The following TTLL4 variants were observed in gnomAD, a reference collection of about 807,000 sequenced individuals.
TTLL4 encodes the protein tubulin tyrosine ligase like 4.
Under a neutral mutation model 122.7 loss-of-function variants are expected in TTLL4, and 85 were observed. The observed-to-expected ratio is 0.69, with a 90% CI of 0.58 to 0.83. TTLL4 has a LOEUF of 0.83. Among genes scored for constraint, TTLL4 ranks in the 40% least tolerant of loss-of-function variants. The probability of loss-of-function intolerance (pLI) is 0.00; values close to 1 mark genes in which losing one functional copy is unlikely to be tolerated. For missense variants in TTLL4, 1,363 were observed against 1,488.6 expected (o/e 0.92, Z 1.39); for synonymous variants, 553 against 563.0 (o/e 0.98, Z 0.25).
rs1212919415 is a variant in TTLL4, at chr2:218,754,506, A to G, written c.*117A>G. On this transcript the variant is annotated 3_prime_UTR_variant, in exon 20 of 20. Coordinates refer to ENST00000392102, the MANE Select transcript of TTLL4 (RefSeq NM_014640.5). Reference sequence around the variant, plus strand: ...CCCCTTTCACCCTGTCCCTCCTCAGAGTATTTTTTGAAGTGGTTGCATTAT... The same window carrying G: ...CCCCTTTCACCCTGTCCCTCCTCAGGGTATTTTTTGAAGTGGTTGCATTAT... 8.6e-6 allele frequency: 12 copies of G among 1,391,754 alleles called. No individual in the cohort carries two copies. The East Asian group carries it at 2.8e-4, about 32-fold the overall frequency. 86.2% of individuals were successfully genotyped at this position (1,391,754 alleles called of 1,614,324 possible).
chr2:218,723,159 T>C (rs1942093870), intron 1 of TTLL4, among the ~76,000 whole-genome samples: 1 of 152,242 alleles, frequency 6.6e-6, no homozygotes, highest in Admixed American at 6.5e-5. Context: ...GATTAACAGA[T>C]AACATGTTCT....
chr2:218,737,356 T>C (rs149201705), intron 2 of TTLL4, among the ~76,000 whole-genome samples: 2 of 152,120 alleles, frequency 1.3e-5, no homozygotes, highest in Non-Finnish European at 2.9e-5. Context: ...ACCTCAGTGT[T>C]TTAGTCCGTA....
chr2:218,739,911 A>G, intron 3 of TTLL4, 147 bp from the exon 4 acceptor site: 1 of 687,278 alleles, frequency 1.5e-6, no homozygotes, highest in Non-Finnish European at 2.5e-6. Flanking sequence ...TTTGAAGACA[A>G]AAGAAATGAG....
At chr2:218,718,040 C>A (rs1941917970) in intron 1 of TTLL4, among the ~76,000 whole-genome samples, 1 of 152,198 alleles carries the variant, frequency 6.6e-6, no homozygotes, top group Non-Finnish European at 1.5e-5. Context: ...CCACCTGCCT[C>A]AGCCTCCCAA....
intron 3 of TTLL4, 125 bp from the exon 4 acceptor site, chr2:218,739,933 A>G (rs961114249): frequency 3.6e-6 from 3 of 822,840 alleles, no homozygotes; most frequent in Non-Finnish European, 5.9e-6. Context: ...TGTGAGGTCC[A>G]GGCAAGAAGT....
chr2:218,729,759 A>C (rs60068199), intron 2 of TTLL4, among the ~76,000 whole-genome samples: 1,542 of 132,008 alleles, frequency 0.012, 24 homozygotes, highest in Admixed American at 0.017. Context: ...AAAAAAAAAA[A>C]AAACAAAAAA....
At chr2:218,733,372 C>T (rs6436072) in intron 2 of TTLL4, among the ~76,000 whole-genome samples, 74,694 of 151,692 alleles carry the variant, frequency 0.49, 19,040 homozygotes, top group African/African-American at 0.59. Flanking sequence ...GAAGCAGGCA[C>T]GTCTTCACAT....
At chr2:218,730,309 TCCAAAAAAAAAAAAAAAAAAAAAA>T (rs1321702111) in intron 2 of TTLL4, among the ~76,000 whole-genome samples, 4 of 76,514 alleles carry the variant, frequency 5.2e-5, no homozygotes, top group Admixed American at 1.8e-4. Context: ...TTACTAAAAA[TCCAAAAAAAAAAAAAAAAAAAAAA>T]AAAAAAAAAA....
At chr2:218,753,874 C>T (rs937971766) in intron 19 of TTLL4, among the ~76,000 whole-genome samples, 1 of 152,192 alleles carries the variant, frequency 6.6e-6, no homozygotes, top group African/African-American at 2.4e-5. Flanking sequence ...GAAGTGCTTC[C>T]TGAAGCAGCC....
chr2:218,749,452 C>T, intron 14 of TTLL4, 65 bp downstream of exon 14: 1 of 1,563,812 alleles, frequency 6.4e-7, no homozygotes, highest in Non-Finnish European at 8.7e-7. Context: ...CCCATTGCCA[C>T]TCCAGTAAGT....
chr2:218,711,357 G>A (rs1941698532), intron 1 of TTLL4, among the ~76,000 whole-genome samples: 1 of 152,192 alleles, frequency 6.6e-6, no homozygotes, highest in Non-Finnish European at 1.5e-5. Context: ...GTCCTGCCGC[G>A]CTGAGGTTTA....
At position 218,745,761 on chromosome 2, in the gene TTLL4, C is replaced by T. The variant is rs746337046; in HGVS notation, c.1857C>T (p.Val619=). 2 of 1,613,632 alleles carry T rather than the reference C, an allele frequency of 1.2e-6. No homozygotes were observed. The highest frequency in any genetic ancestry group is 1.1e-5 in the South Asian group (1 of 90,982). ...WKMSTVTPNI[V]KQTIGRSHFK... The stretch of plus-strand genomic sequence containing the variant: ...TGAGCACAGTGACCCCCAACATTGT[C>T]AAGCAGACCATTGGACGGTCCCACT... The change falls in exon 7 of 20, where the codon GTC becomes GTT. Residue 619 remains valine (V), a synonymous_variant. Transcript: ENST00000392102.
At position 218,754,220 on chromosome 2, in the gene TTLL4, C is replaced by T. The variant is rs779473683; in HGVS notation, c.3431C>T (p.Pro1144Leu). 3 of 1,614,108 alleles carry T rather than the reference C, an allele frequency of 1.9e-6. No individual in the cohort carries two copies. Among genetic ancestry groups the T allele is most frequent in the South Asian group, 1.1e-5 (1 of 91,092 alleles). The change falls in exon 20 of 20, where the codon CCT (proline) becomes CTT (leucine). Residue 1144 changes from proline (P) to leucine (L), a missense_variant. Coordinates refer to ENST00000392102, the MANE Select transcript of TTLL4 (RefSeq NM_014640.5). ...AAGAAGACTCAAGCTGGCCTTTCCC[C>T]TTATCCCCAGAAACCCAGTTCCTCA... Reference protein sequence around the residue: ...KSKKTQAGLSPYPQKPSSSKD... With the variant: ...KSKKTQAGLSLYPQKPSSSKD...
chr2:218,747,550 A>G lies in TTLL4; in HGVS notation c.2250-47A>G, dbSNP rs765377999. ...TTTCCTGTGGCTTGGTTACCCACTG[A>G]GCCCCATCATCTGGCTGTATGAGAA... On this transcript the variant is annotated intron_variant, in intron 10 of 19. Transcript: ENST00000392102. This position sits in a 1 kb window ranked among gnomAD's most constrained non-coding sequence, Gnocchi z 4.7. 3.1e-6 allele frequency: 5 copies of G among 1,606,726 alleles called. No homozygotes were observed. The African/African-American group carries it at 6.7e-5, about 21-fold the overall frequency.
Position 218,747,642 on chromosome 2 carries a change from G to T in TTLL4, c.2295G>T (p.Leu765=). Residue 765 remains leucine (L), a synonymous_variant, in exon 11 of 20, where the codon CTG becomes CTT. Coordinates refer to ENST00000392102, the MANE Select transcript of TTLL4 (RefSeq NM_014640.5). This position sits in a 1 kb window ranked among gnomAD's most constrained non-coding sequence, Gnocchi z 4.7. ...TCATCAGCGGCAGCAAGTTTGACCT[G>T]CGGATCTATGTTTATGTCACTTCCT... is the stretch of plus-strand genomic sequence containing the variant. ...PYLISGSKFD[L]RIYVYVTSYD... is the part of the protein sequence containing the mutation. 1 of 1,614,220 alleles carries T rather than the reference G, an allele frequency of 6.2e-7. No individual in the cohort carries two copies. The highest frequency in any genetic ancestry group is 8.5e-7 in the Non-Finnish European group (1 of 1,180,042).
intron 2 of TTLL4, among the ~76,000 whole-genome samples, chr2:218,733,425 T>C (rs1942433081): frequency 6.6e-6 from 1 of 152,112 alleles, no homozygotes; most frequent in Non-Finnish European, 1.5e-5. Context: ...TGCTACACAC[T>C]TTTAAACAAC....
intron 15 of TTLL4, 49 bp from the exon 16 acceptor site, chr2:218,751,655 A>G: frequency 6.3e-7 from 1 of 1,591,948 alleles, no homozygotes; most frequent in Non-Finnish European, 8.5e-7. Context: ...TCCTCCAAAT[A>G]AGAAGCTGCT....
Position 218,737,906 on chromosome 2 carries a change from A to T in TTLL4, c.230A>T (p.Gln77Leu). The T allele has an allele frequency of 6.2e-7, 1 of 1,614,202 alleles. No homozygotes were observed. The highest frequency in any genetic ancestry group is 8.5e-7 in the Non-Finnish European group (1 of 1,180,028). The stretch of plus-strand genomic sequence containing the variant: ...CCAGGCCTCTTGGGCGTCCCACCCC[A>T]GCCAGCATATTTCTTTTGCCCCAGC... Reference protein sequence around the residue: ...LGPGLLGVPPQPAYFFCPSTL... With the variant: ...LGPGLLGVPPLPAYFFCPSTL... Residue 77 changes from glutamine (Q) to leucine (L), a missense_variant, in exon 3 of 20, where the codon CAG becomes CTG. Physicochemically the swap from Gln to Leu is moderately radical, Grantham distance 113. Around this residue, in one of 3 missense-constraint regions of TTLL4, gnomAD observed 760 missense variants for 808.4 expected, o/e 0.94. Coordinates refer to ENST00000392102, the MANE Select transcript of TTLL4 (RefSeq NM_014640.5).
chr2:218,738,483 G>A lies in TTLL4; in HGVS notation c.807G>A (p.Lys269=), dbSNP rs964847316. 3 of 1,614,090 alleles carry A rather than the reference G, an allele frequency of 1.9e-6. No homozygotes were observed. The highest frequency in any genetic ancestry group is 2.7e-5 in the African/African-American group (2 of 74,914). The change falls in exon 3 of 20, where the codon AAG becomes AAA. Residue 269 remains lysine, a synonymous_variant. Transcript: ENST00000392102. ...GDCAPQPVDH[K]VPKSIGTVPA... ...GTGCACCGCAGCCTGTTGACCATAA[G>A]GTGCCCAAAAGCATTGGCACTGTCC...
Sources: allele counts gnomAD v4.1 joint callset (sites outside exome capture counted in the v4.1 genomes callset), GRCh38; gene constraint gnomAD v4.1.1; regional missense constraint gnomAD v4.1.1; non-coding constraint Gnocchi (gnomAD v3.1); transcripts MANE v1.5; gene names NCBI Gene and HGNC (gene_info 2026-07-23, HGNC 2026-07-21).